The following RPTOR variants were observed in gnomAD, a reference collection of about 807,000 sequenced individuals.
RPTOR encodes the protein regulatory-associated protein of mTOR.
Under a neutral mutation model 169.9 loss-of-function variants are expected in RPTOR, and 21 were observed. The ratio of observed to expected loss-of-function variants is 0.12; its 90% confidence interval spans 0.09 to 0.18. The LOEUF is 0.18. RPTOR is among the 10% of genes least tolerant of loss of function. RPTOR has a pLI of 1.00. For missense variants in RPTOR, 1,133 were observed against 1,855.9 expected, an observed-to-expected ratio of 0.61 and a Z score of 7.16; for synonymous variants, 732 against 753.2, an observed-to-expected ratio of 0.97 and a Z score of 0.46.
At chr17:80,830,037 G>A (rs1224805523) in intron 9 of RPTOR, among the ~76,000 whole-genome samples, 2 of 152,310 alleles carry the variant, frequency 1.3e-5, no homozygotes, top group Middle Eastern at 3.4e-3. Context: ...GGAATTGAAT[G>A]TAAAAATTGG....
intron 28 of RPTOR, among the ~76,000 whole-genome samples, chr17:80,951,188 C>T (rs2069173319): frequency 2.0e-5 from 3 of 152,088 alleles, no homozygotes; most frequent in Non-Finnish European, 4.4e-5. Flanking sequence ...CACACGTCCA[C>T]ACCCGGCTGG....
chr17:80,632,200 G>A (rs1018178115), intron 2 of RPTOR, among the ~76,000 whole-genome samples: 1 of 152,108 alleles, frequency 6.6e-6, no homozygotes, highest in African/African-American at 2.4e-5. Flanking sequence ...TAGCCACCAT[G>A]GACTCTTTCC....
At chr17:80,625,851 G>A (rs1245931771) in intron 2 of RPTOR, 58 bp downstream of exon 2, 35 of 1,248,766 alleles carry the variant, frequency 2.8e-5, no homozygotes, top group Non-Finnish European at 3.9e-5. Flanking sequence ...TCTGGCCTGG[G>A]CGGGGCTCGC....
At chr17:80,883,689 A>G in intron 15 of RPTOR, 92 bp from the exon 16 acceptor site, 2 of 1,411,352 alleles carry the variant, frequency 1.4e-6, no homozygotes, top group South Asian at 1.2e-5. Flanking sequence ...GCTTCCCAAG[A>G]ATGGGTGGCC....
chr17:80,767,263 T>C (rs1198221619), intron 6 of RPTOR, among the ~76,000 whole-genome samples: 1 of 152,126 alleles, frequency 6.6e-6, no homozygotes, highest in African/African-American at 2.4e-5. Context: ...CCCAGCTACT[T>C]GGGAGGCTGA....
At chr17:80,847,290 G>T (rs1305374514) in intron 11 of RPTOR, among the ~76,000 whole-genome samples, 2 of 152,230 alleles carry the variant, frequency 1.3e-5, no homozygotes, top group Non-Finnish European at 2.9e-5. Context: ...TCAGCATCGT[G>T]GGTCCTGCTG....
At chr17:80,945,850 C>T (rs1414509262) in intron 26 of RPTOR, 69 bp downstream of exon 26, 4 of 849,148 alleles carry the variant, frequency 4.7e-6, no homozygotes, top group East Asian at 6.0e-5. Flanking sequence ...TGTTCTCCCC[C>T]GATCACCACT....
At chr17:80,946,723 C>T (rs750288905) in intron 26 of RPTOR, among the ~76,000 whole-genome samples, 57 of 152,254 alleles carry the variant, frequency 3.7e-4, no homozygotes, top group Non-Finnish European at 1.2e-4. Flanking sequence ...TTCATCTGTT[C>T]ATGGACACCT....
intron 19 of RPTOR, 146 bp downstream of exon 19, chr17:80,893,015 T>A: frequency 9.7e-7 from 1 of 1,029,230 alleles, no homozygotes; most frequent in Non-Finnish European, 1.4e-6. Flanking sequence ...TGGTGATGAG[T>A]CACCCTTCCA....
At chr17:80,840,606 A>T (rs2067624369) in intron 10 of RPTOR, among the ~76,000 whole-genome samples, 1 of 39,802 alleles carries the variant, frequency 2.5e-5, no homozygotes, top group Non-Finnish European at 7.1e-5. Context: ...ACGGCAGCTC[A>T]CTCTCACCAC....
rs552319832 is a variant in RPTOR, at chr17:80,579,061, A to G, written c.162+33270A>G. 2.0e-5 allele frequency among the ~76,000 whole-genome samples: 3 copies of G among 152,150 alleles called. No individual in the cohort carries two copies. In the South Asian group the frequency reaches 6.2e-4, roughly 32 times the overall value. On this transcript the variant is annotated intron_variant, in intron 1 of 33. Transcript: ENST00000306801. ...TAACTACCTTACACAGGTACTCTGC[A>G]TTGGTACTCTGCACAGGTACTCGGG...
intron 24 of RPTOR, among the ~76,000 whole-genome samples, chr17:80,925,685 G>A (rs1026928311): frequency 1.3e-5 from 2 of 151,876 alleles, no homozygotes; most frequent in African/African-American, 2.4e-5. Flanking sequence ...AACCTGCCTC[G>A]CTGGAGCTTC....
chr17:80,609,373 C>T lies in RPTOR; in HGVS notation c.163-16318C>T, dbSNP rs941493551. On this transcript the variant is annotated intron_variant, in intron 1 of 33. Transcript: ENST00000306801. This position sits in a 1 kb window ranked among gnomAD's most constrained non-coding sequence, Gnocchi z 4.8. ...TTTCACACTGAGTTAAGTAGCTTCA[C>T]GACTGCTAGTGGCTGGAAGCTTCCA... Among the ~76,000 whole-genome samples the T allele has an allele frequency of 5.9e-5, 9 of 152,160 alleles. No homozygotes were observed. The highest frequency in any genetic ancestry group is 1.3e-4 in the Admixed American group (2 of 15,272).
chr17:80,678,573 C>G lies in RPTOR; in HGVS notation c.349-29268C>G, dbSNP rs986074620. Among the ~76,000 whole-genome samples, 4 of 152,198 alleles carry G rather than the reference C, an allele frequency of 2.6e-5. No homozygotes were observed. In the South Asian group the frequency reaches 6.2e-4, roughly 24 times the overall value. On this transcript the variant is annotated intron_variant, in intron 3 of 33. Coordinates refer to ENST00000306801, the MANE Select transcript of RPTOR (RefSeq NM_020761.3). ...CTAGCTTTGCAACATTGCTGAATAT[C>G]TAAAATTATTTCAAGATAAAAATTA...
chr17:80,581,120 A>T (rs1441701692), intron 1 of RPTOR, among the ~76,000 whole-genome samples: 1 of 152,226 alleles, frequency 6.6e-6, no homozygotes, highest in Admixed American at 6.5e-5. Flanking sequence ...TGCTGATGAT[A>T]TAAAGCTGGG....
intron 1 of RPTOR, among the ~76,000 whole-genome samples, chr17:80,573,765 A>T (rs964622980): frequency 1.3e-5 from 2 of 152,126 alleles, no homozygotes; most frequent in African/African-American, 4.8e-5. Flanking sequence ...CCGTGGTTTC[A>T]TGCTGGTCTT....
At chr17:80,760,716 G>A (rs932441494) in intron 6 of RPTOR, among the ~76,000 whole-genome samples, 1 of 152,222 alleles carries the variant, frequency 6.6e-6, no homozygotes, top group African/African-American at 2.4e-5. Flanking sequence ...GATGACGGCT[G>A]TGCGTGTCTG....
At chr17:80,875,249 G>A (rs1418994150) in intron 13 of RPTOR, among the ~76,000 whole-genome samples, 1 of 152,220 alleles carries the variant, frequency 6.6e-6, no homozygotes, top group Non-Finnish European at 1.5e-5. Flanking sequence ...AGAAGGCAGG[G>A]CCTTGGCCAG....
chr17:80,809,125 C>T (rs1252838178), intron 7 of RPTOR, among the ~76,000 whole-genome samples: 2 of 152,224 alleles, frequency 1.3e-5, no homozygotes, highest in Non-Finnish European at 2.9e-5. Flanking sequence ...GAGTTCCTGC[C>T]AGTAACAACA....
Sources: gnomAD v4.1 joint callset for allele counts (sites outside exome capture counted in the v4.1 genomes callset) on GRCh38, gnomAD v4.1.1 for gene constraint, Gnocchi (gnomAD v3.1) non-coding constraint, MANE v1.5 for transcripts, NCBI Gene and HGNC (gene_info 2026-07-23, HGNC 2026-07-21) for gene names.